Variants in SEMA5A observed in about 807,000 individuals in gnomAD.
SEMA5A encodes the protein semaphorin-5A.
In SEMA5A, 55 loss-of-function variants were observed where a neutral mutation model predicts 135.5. The observed-to-expected ratio is 0.41, with a 90% CI of 0.33 to 0.51. The LOEUF is 0.51. SEMA5A is among the 20% of genes least tolerant of loss of function. The pLI, the probability that SEMA5A is intolerant of heterozygous loss-of-function variation, is 0.37. For synonymous variants in SEMA5A, 580 were observed against 546.5 expected, an observed-to-expected ratio of 1.06 and a Z score of -0.85; for missense variants, 1,290 against 1,419.9, an observed-to-expected ratio of 0.91 and a Z score of 1.47.
chr5:9,048,462 TGAACCATTTTCTGTAGACCTGACCA>T (rs1186778701), intron 21 of SEMA5A, among the ~76,000 whole-genome samples: 1 of 152,248 alleles, frequency 6.6e-6, no homozygotes, highest in Admixed American at 6.5e-5. Flanking sequence ...GTCACTGACC[TGAACCATTTTCTGTAGACCTGACCA>T]GAACTTCTAG....
intron 1 of SEMA5A, among the ~76,000 whole-genome samples, chr5:9,488,481 T>C (rs1734838956): frequency 6.6e-6 from 1 of 152,194 alleles, no homozygotes; most frequent in African/African-American, 2.4e-5. Context: ...TATTCTACCA[T>C]CATTCTGTCC....
chr5:9,040,394 A>G lies in SEMA5A; in HGVS notation c.*2503T>C, dbSNP rs1561089934. 6.6e-6 allele frequency: 1 copy of G among 152,234 alleles called. No homozygotes were observed. The highest frequency in any genetic ancestry group is 2.4e-5 in the African/African-American group (1 of 41,444). The allele number at this position is 152,234 out of a possible 1,614,324, so 9.4% of individuals were successfully genotyped here. On this transcript the variant is annotated 3_prime_UTR_variant, in exon 23 of 23. Coordinates refer to ENST00000382496, the MANE Select transcript of SEMA5A (RefSeq NM_003966.3). ...TGAGAGATCACACTGTGAAAGTCCAACATGTGAGGGTTCACGCGATAAGCG... is the reference window on the plus strand; with the variant it reads ...TGAGAGATCACACTGTGAAAGTCCAGCATGTGAGGGTTCACGCGATAAGCG...
intron 1 of SEMA5A, among the ~76,000 whole-genome samples, chr5:9,504,927 T>C (rs1735792886): frequency 6.6e-6 from 1 of 152,240 alleles, no homozygotes; most frequent in African/African-American, 2.4e-5. Flanking sequence ...TTTTCCTCTC[T>C]GTTTTCCTCA....
At chr5:9,249,693 C>A (rs565182876) in intron 5 of SEMA5A, among the ~76,000 whole-genome samples, 1 of 152,190 alleles carries the variant, frequency 6.6e-6, no homozygotes, top group South Asian at 2.1e-4. Context: ...TGATCTTGGG[C>A]GTCTTGAAGG....
intron 13 of SEMA5A, among the ~76,000 whole-genome samples, chr5:9,134,275 A>G (rs1379900705): frequency 6.6e-6 from 1 of 152,130 alleles, no homozygotes; most frequent in Non-Finnish European, 1.5e-5. Flanking sequence ...CCACCAGAGT[A>G]GCTGGAACTA....
chr5:9,521,361 G>T (rs1736820547), intron 1 of SEMA5A, among the ~76,000 whole-genome samples: 1 of 152,184 alleles, frequency 6.6e-6, no homozygotes, highest in Non-Finnish European at 1.5e-5. Context: ...AGTGAGCGGA[G>T]ATCACGCCAC....
chr5:9,355,609 A>G (rs1288771977), intron 3 of SEMA5A, among the ~76,000 whole-genome samples: 1 of 152,178 alleles, frequency 6.6e-6, no homozygotes, highest in East Asian at 1.9e-4. Flanking sequence ...GGAGGTCTTC[A>G]CTAGAAATTG....
chr5:9,369,233 T>C (rs982818145), intron 3 of SEMA5A, among the ~76,000 whole-genome samples: 3 of 152,206 alleles, frequency 2.0e-5, no homozygotes, highest in African/African-American at 7.2e-5. Context: ...GGTAAATATG[T>C]GTATCTCTGT....
At chr5:9,305,714 A>ATATATATATG (rs1751830858) in intron 5 of SEMA5A, among the ~76,000 whole-genome samples, 2 of 119,996 alleles carry the variant, frequency 1.7e-5, no homozygotes, top group African/African-American at 7.0e-5. Flanking sequence ...GTGCGTATAT[A>ATATATATATG]TATATATATA....
Position 9,036,459 on chromosome 5 carries a change from A to G in SEMA5A, c.*6438T>C, listed in dbSNP as rs1325863015. On this transcript the variant is annotated 3_prime_UTR_variant, in exon 23 of 23. Transcript: ENST00000382496. Reference sequence around the variant, plus strand: ...ACCAGCCTGTGTCTGATTTTCCTCTATCTATGGACTTGCCTGAAGAGAAAC... The same window carrying G: ...ACCAGCCTGTGTCTGATTTTCCTCTGTCTATGGACTTGCCTGAAGAGAAAC... 1 of 152,178 alleles carries G rather than the reference A, an allele frequency of 6.6e-6. No individual in the cohort carries two copies. The highest frequency in any genetic ancestry group is 2.4e-5 in the African/African-American group (1 of 41,442). The allele number at this position is 152,178 out of a possible 1,614,324, so 9.4% of individuals were successfully genotyped here.
chr5:9,409,358 A>G (rs1048482673), intron 2 of SEMA5A, among the ~76,000 whole-genome samples: 2 of 152,244 alleles, frequency 1.3e-5, no homozygotes, highest in Non-Finnish European at 2.9e-5. Flanking sequence ...AAGGAGTCCA[A>G]AGCCCTTCTC....
At chr5:9,162,564 G>GTATA (rs779776274) in intron 11 of SEMA5A, among the ~76,000 whole-genome samples, 5,049 of 83,906 alleles carry the variant, frequency 0.06, 236 homozygotes, top group African/African-American at 0.11. Flanking sequence ...GTGTGTGTGT[G>GTATA]TATATATATA....
chr5:9,503,347 A>G (rs1735692163), intron 1 of SEMA5A, among the ~76,000 whole-genome samples: 1 of 152,224 alleles, frequency 6.6e-6, no homozygotes, highest in African/African-American at 2.4e-5. Flanking sequence ...CTCCAGGCAC[A>G]GGTAACATCT....
chr5:9,285,347 A>G (rs1432283753), intron 5 of SEMA5A, among the ~76,000 whole-genome samples: 1 of 152,168 alleles, frequency 6.6e-6, no homozygotes. Context: ...TCTTCTGGAG[A>G]AAATCTCAAG....
intron 14 of SEMA5A, among the ~76,000 whole-genome samples, chr5:9,121,923 CT>C (rs1484878582): frequency 2.6e-5 from 4 of 151,602 alleles, no homozygotes; most frequent in East Asian, 1.9e-4. Flanking sequence ...GTCCCAGAGA[CT>C]TTTTTTTTCA....
intron 1 of SEMA5A, among the ~76,000 whole-genome samples, chr5:9,537,748 AT>A (rs1209382062): frequency 1.3e-5 from 2 of 152,234 alleles, no homozygotes; most frequent in African/African-American, 4.8e-5. Context: ...GTTGATCTCC[AT>A]TTTTGTGAAC....
intron 3 of SEMA5A, among the ~76,000 whole-genome samples, chr5:9,342,896 C>A (rs1035717015): frequency 2.0e-5 from 3 of 152,164 alleles, no homozygotes; most frequent in Non-Finnish European, 2.9e-5. Context: ...GTGGTTCTAG[C>A]CACTATGCTA....
intron 1 of SEMA5A, among the ~76,000 whole-genome samples, chr5:9,489,382 C>T (rs951941975): frequency 1.2e-4 from 19 of 152,038 alleles, no homozygotes; most frequent in African/African-American, 4.6e-4. Flanking sequence ...TCAGCCTTTC[C>T]ATAAAACGCA....
chr5:9,535,689 C>T (rs927225074), intron 1 of SEMA5A, among the ~76,000 whole-genome samples: 83 of 151,912 alleles, frequency 5.5e-4, no homozygotes, highest in African/African-American at 1.7e-3. Flanking sequence ...AGTAAGGAGG[C>T]GAAGGAAGTG....
Sources: allele counts gnomAD v4.1 joint callset (sites outside exome capture counted in the v4.1 genomes callset), GRCh38; gene constraint gnomAD v4.1.1; transcripts MANE v1.5; gene names NCBI Gene and HGNC (gene_info 2026-07-23, HGNC 2026-07-21).